Variants in PTK2 observed in about 807,000 individuals in gnomAD.
PTK2 encodes protein tyrosine kinase 2.
A neutral mutation model predicts 150.1 loss-of-function variants in PTK2; 45 were observed. The ratio of observed to expected loss-of-function variants is 0.30; its 90% CI spans 0.24 to 0.38. The LOEUF (loss-of-function observed/expected upper bound fraction) is 0.38, where lower values mean the gene tolerates loss of function less well. Among genes scored for constraint, PTK2 ranks in the 10% least tolerant of loss-of-function variants. The pLI is 1.00. For missense variants in PTK2, 919 were observed against 1,307.3 expected (o/e 0.70, Z 4.58); for synonymous variants, 432 against 449.2 (o/e 0.96, Z 0.48).
intron 3 of PTK2, among the ~76,000 whole-genome samples, chr8:140,883,852 T>A (rs906723462): frequency 2.0e-5 from 3 of 152,134 alleles, no homozygotes; most frequent in African/African-American, 7.2e-5. Flanking sequence ...AAGTGCATTA[T>A]CTTTTAGTTT....
intron 12 of PTK2, among the ~76,000 whole-genome samples, chr8:140,798,014 A>G (rs2100092728): frequency 6.6e-6 from 1 of 152,156 alleles, no homozygotes; most frequent in Non-Finnish European, 1.5e-5. Context: ...AACAAAATGC[A>G]TCTGGGCACA....
chr8:140,831,610 C>T (rs1162308860), intron 7 of PTK2, among the ~76,000 whole-genome samples: 1 of 152,180 alleles, frequency 6.6e-6, no homozygotes, highest in South Asian at 2.1e-4. Flanking sequence ...CTGGTAAATT[C>T]GAAACTGGTC....
At chr8:140,867,303 A>T (rs1316314494) in intron 4 of PTK2, among the ~76,000 whole-genome samples, 1 of 152,212 alleles carries the variant, frequency 6.6e-6, no homozygotes, top group Non-Finnish European at 1.5e-5. Context: ...GTGAGAAATA[A>T]TAGCCAGGTT....
intron 27 of PTK2, among the ~76,000 whole-genome samples, chr8:140,685,718 T>C (rs1794268556): frequency 6.6e-6 from 1 of 152,188 alleles, no homozygotes; most frequent in Admixed American, 6.5e-5. Context: ...AGAATGTCTA[T>C]TATTAAAAAG....
intron 1 of PTK2, among the ~76,000 whole-genome samples, chr8:140,996,226 C>T (rs538480657): frequency 5.4e-4 from 82 of 152,338 alleles, no homozygotes; most frequent in Admixed American, 8.5e-4. Context: ...AGCTCCTCCT[C>T]TTCAATTCTG....
At chr8:140,805,605 CA>C (rs375563865) in intron 10 of PTK2, among the ~76,000 whole-genome samples, 66 of 144,268 alleles carry the variant, frequency 4.6e-4, no homozygotes, top group Admixed American at 6.9e-4. Context: ...ATTCCTGAGC[CA>C]AAAAAAAAAG....
chr8:140,771,844 G>C (rs1367775798), intron 14 of PTK2, among the ~76,000 whole-genome samples: 3 of 149,184 alleles, frequency 2.0e-5, no homozygotes, highest in African/African-American at 7.5e-5. Context: ...GCAATGGCAC[G>C]ATCTTGGCTC....
intron 10 of PTK2, among the ~76,000 whole-genome samples, chr8:140,815,599 A>G: frequency 6.6e-6 from 1 of 152,212 alleles, no homozygotes; most frequent in East Asian, 1.9e-4. Flanking sequence ...AAAGATTCCA[A>G]TTCACCTAAT....
chr8:140,943,696 G>A (rs1239681172), intron 1 of PTK2, among the ~76,000 whole-genome samples: 1 of 152,198 alleles, frequency 6.6e-6, no homozygotes. Flanking sequence ...CACCAGCAAA[G>A]CAGGAGAGTA....
Position 140,779,418 on chromosome 8 carries a change from G to C in PTK2, c.1177+10056C>G, listed in dbSNP as rs57396380. On this transcript the variant is annotated intron_variant, in intron 14 of 31. Transcript: ENST00000522684. ...CTTGTTCTGATATGTGAGATTCAAA[G>C]CTCATGTTTTTGAGGGAGAGTAGTC... Among the ~76,000 whole-genome samples the C allele has an allele frequency of 4.6e-3, 707 of 152,214 alleles. 7 individuals are homozygous for C. Among genetic ancestry groups the C allele is most frequent in the African/African-American group, 0.016 (670 of 41,536 alleles).
intron 23 of PTK2, among the ~76,000 whole-genome samples, chr8:140,714,523 G>A (rs1263534482): frequency 4.0e-5 from 6 of 151,386 alleles, no homozygotes; most frequent in East Asian, 1.9e-4. Context: ...ACAGCCGGGC[G>A]TGGTGGTTCA....
intron 22 of PTK2, among the ~76,000 whole-genome samples, chr8:140,720,928 T>C (rs1378272577): frequency 2.0e-5 from 3 of 152,174 alleles, no homozygotes. Context: ...GCTAATTTTT[T>C]GTATTTTTAG....
At chr8:140,859,685 C>T (rs2100134889) in intron 5 of PTK2, among the ~76,000 whole-genome samples, 1 of 152,264 alleles carries the variant, frequency 6.6e-6, no homozygotes, top group Admixed American at 6.5e-5. Context: ...CAGCTGCATT[C>T]TCAGATAAAT....
intron 5 of PTK2, among the ~76,000 whole-genome samples, chr8:140,855,566 G>C (rs2100132053): frequency 6.6e-6 from 1 of 152,034 alleles, no homozygotes; most frequent in African/African-American, 2.4e-5. Context: ...CCACACTCCA[G>C]CCTGGACAAC....
chr8:140,869,224 A>G (rs2100141153), intron 4 of PTK2, among the ~76,000 whole-genome samples: 1 of 150,698 alleles, frequency 6.6e-6, no homozygotes, highest in African/African-American at 2.4e-5. Context: ...AAAGCGCCTG[A>G]TATCTTGCCT....
chr8:140,991,721 T>G (rs532217677), intron 1 of PTK2, among the ~76,000 whole-genome samples: 2 of 152,228 alleles, frequency 1.3e-5, no homozygotes, highest in South Asian at 4.2e-4. Context: ...TTTAAAAACC[T>G]TGCGAGGCCA....
At chr8:140,984,801 C>T (rs941562734) in intron 1 of PTK2, among the ~76,000 whole-genome samples, 1 of 152,126 alleles carries the variant, frequency 6.6e-6, no homozygotes, top group Non-Finnish European at 1.5e-5. Context: ...AACTTACTGA[C>T]TTATCTGAAC....
At chr8:140,877,901 T>C (rs567670435) in intron 4 of PTK2, among the ~76,000 whole-genome samples, 3 of 152,284 alleles carry the variant, frequency 2.0e-5, no homozygotes, top group African/African-American at 7.2e-5. Flanking sequence ...TATTGAGCAC[T>C]AAGGATTTCA....
chr8:140,805,243 C>T (rs774037023), intron 10 of PTK2, among the ~76,000 whole-genome samples: 93 of 152,274 alleles, frequency 6.1e-4, no homozygotes, highest in Non-Finnish European at 1.1e-3. Flanking sequence ...TGTTCTTCCT[C>T]CAGGCTTCTT....
Sources: allele counts gnomAD v4.1 joint callset (sites outside exome capture counted in the v4.1 genomes callset), GRCh38; gene constraint gnomAD v4.1.1; transcripts MANE v1.5; gene names NCBI Gene and HGNC (gene_info 2026-07-23, HGNC 2026-07-21).